PAPOLG: variants seen among roughly 807,000 people sequenced by gnomAD.
PAPOLG encodes poly(A) polymerase gamma.
Under a neutral mutation model 99.0 loss-of-function variants are expected in PAPOLG, and 40 were observed. The observed-to-expected ratio is 0.40, with a 90% CI of 0.31 to 0.53. The LOEUF is 0.53. Among genes scored for constraint, PAPOLG ranks in the 20% least tolerant of loss-of-function variants. PAPOLG has a pLI of 0.41. For synonymous variants in PAPOLG, 310 were observed against 299.3 expected (o/e 1.04, Z -0.37); for missense variants, 675 against 884.1 (o/e 0.76, Z 3.00).
At position 60,794,111 on chromosome 2, in the gene PAPOLG, A is replaced by G; in HGVS notation, c.1909A>G (p.Ile637Val). ...GQPHLNGMSN[I>V]TKTVTPKRSH... ...ACCGCATCTGAATGGAATGTCAAAT[A>G]TAACTAAGACTGTTACACCTAAGAG... The change falls in exon 19 of 22, where the codon ATA becomes GTA. Residue 637 changes from isoleucine (I) to valine (V), a missense_variant. Around this residue, in one of 3 missense-constraint regions of PAPOLG, gnomAD observed 413 missense variants for 460.5 expected, o/e 0.90. Transcript: ENST00000238714. 1 of 1,614,118 alleles carries G rather than the reference A, an allele frequency of 6.2e-7. No individual in the cohort carries two copies. Among genetic ancestry groups the G allele is most frequent in the Non-Finnish European group, 8.5e-7 (1 of 1,179,962 alleles).
intron 8 of PAPOLG, among the ~76,000 whole-genome samples, chr2:60,779,266 G>A (rs1273448333): frequency 6.6e-6 from 1 of 152,172 alleles, no homozygotes; most frequent in Non-Finnish European, 1.5e-5. Context: ...CTCTCCAAAT[G>A]TCTCCTTCCT....
chr2:60,786,866 A>G, intron 13 of PAPOLG, 81 bp from the exon 14 acceptor site: 1 of 1,502,000 alleles, frequency 6.7e-7, no homozygotes, highest in African/African-American at 1.4e-5. Context: ...CTTCGTAGTT[A>G]ATATGCTGTT....
chr2:60,794,826 A>G, intron 20 of PAPOLG, 51 bp downstream of exon 20: 1 of 1,549,730 alleles, frequency 6.5e-7, no homozygotes, highest in Non-Finnish European at 8.9e-7. Flanking sequence ...AGCGCCATGT[A>G]TCAGGAAAAG....
intron 7 of PAPOLG, among the ~76,000 whole-genome samples, chr2:60,772,925 C>A (rs943779564): frequency 1.3e-5 from 2 of 151,406 alleles, no homozygotes; most frequent in African/African-American, 4.9e-5. Flanking sequence ...TTTTTCTTTT[C>A]TTTTCTTTTC....
intron 3 of PAPOLG, among the ~76,000 whole-genome samples, chr2:60,765,341 G>A (rs1403262113): frequency 3.5e-5 from 5 of 144,912 alleles, no homozygotes; most frequent in African/African-American, 1.0e-4. Context: ...GCTTCCCATA[G>A]TGTTGAGATT....
In PAPOLG at chr2:60,791,768, A is replaced by G. The variant is rs764798495; in HGVS notation, c.1404A>G (p.Arg468=). 6 of 1,610,762 alleles carry G rather than the reference A, an allele frequency of 3.7e-6. No homozygotes were observed. The highest frequency in any genetic ancestry group is 1.3e-5 in the African/African-American group (1 of 74,448). The change falls in exon 16 of 22, where the codon AGA becomes AGG. Residue 468 remains arginine (R), a synonymous_variant. Transcript: ENST00000238714. ...ATATTAACATTGTTACAGTGTACAG[A>G]CAGGCAAACAATATAAATATGCTAA... is the stretch of plus-strand genomic sequence containing the variant. The part of the protein sequence containing the change: ...DIQSFTDTVY[R]QANNINMLKE...
At chr2:60,793,797 G>A (rs913713669) in intron 18 of PAPOLG, 82 bp downstream of exon 18, 7 of 1,510,162 alleles carry the variant, frequency 4.6e-6, no homozygotes, top group Admixed American at 4.1e-5. Flanking sequence ...TGTAGTCCTA[G>A]CTACTGGGGA....
At position 60,761,700 on chromosome 2, in the gene PAPOLG, A is replaced by T. The variant is rs779416774; in HGVS notation, c.180-41A>T. 2.0e-6 allele frequency: 3 copies of T among 1,535,646 alleles called. No individual in the cohort carries two copies. The African/African-American group carries it at 4.1e-5, about 21-fold the overall frequency. On this transcript the variant is annotated intron_variant, in intron 2 of 21. Transcript: ENST00000238714. ...GGGTTTTTAAAAATACTGTTTGTTC[A>T]TTTGTTTGTTTGTTTTAATCTGAAG... is the stretch of plus-strand genomic sequence containing the variant.
At chr2:60,760,351 T>C (rs1670487362) in intron 2 of PAPOLG, 56 bp downstream of exon 2, 2 of 1,481,144 alleles carry the variant, frequency 1.4e-6, no homozygotes, top group African/African-American at 1.4e-5. Context: ...TCATTAATTC[T>C]GCGAACATAT....
intron 7 of PAPOLG, 102 bp from the exon 8 acceptor site, chr2:60,774,932 T>A (rs1670971812): frequency 5.9e-6 from 9 of 1,523,474 alleles, no homozygotes; most frequent in Non-Finnish European, 7.9e-6. Flanking sequence ...TGTTTTATTA[T>A]CTTTCATATT....
At chr2:60,771,341 C>T (rs1670845489) in intron 6 of PAPOLG, 178 bp from the exon 7 acceptor site, 2 of 275,334 alleles carry the variant, frequency 7.3e-6, no homozygotes, top group African/African-American at 2.3e-5. Flanking sequence ...GTTTAATTAC[C>T]TTAACACAAC....
At chr2:60,787,131 A>AG (rs1414759812) in intron 14 of PAPOLG, 65 bp downstream of exon 14, 3 of 1,347,422 alleles carry the variant, frequency 2.2e-6, no homozygotes, top group Non-Finnish European at 3.0e-6. Context: ...GCATCATTTC[A>AG]GAGTAATTGT....
At chr2:60,788,936 G>GT (rs1438024380) in intron 15 of PAPOLG, among the ~76,000 whole-genome samples, 1 of 152,288 alleles carries the variant, frequency 6.6e-6, no homozygotes, top group African/African-American at 2.4e-5. Context: ...CAAGGCTGCA[G>GT]TGAGCCGAGA....
intron 21 of PAPOLG, 64 bp from the exon 22 acceptor site, chr2:60,796,998 A>G: frequency 1.3e-6 from 2 of 1,594,124 alleles, no homozygotes; most frequent in Non-Finnish European, 1.7e-6. Context: ...CTGACTTTCT[A>G]GCTGGGCCTT....
chr2:60,773,375 A>G (rs1670914289), intron 7 of PAPOLG, among the ~76,000 whole-genome samples: 1 of 152,210 alleles, frequency 6.6e-6, no homozygotes, highest in South Asian at 2.1e-4. Context: ...TTTGCCTCTT[A>G]AAGACGTTTC....
intron 15 of PAPOLG, among the ~76,000 whole-genome samples, chr2:60,790,907 A>T (rs936115208): frequency 2.0e-5 from 3 of 151,208 alleles, no homozygotes; most frequent in Non-Finnish European, 4.4e-5. Flanking sequence ...TGGCCAACAT[A>T]ATGAAACCCT....
chr2:60,764,384 G>T (rs1474029616), intron 3 of PAPOLG, among the ~76,000 whole-genome samples: 1 of 151,616 alleles, frequency 6.6e-6, no homozygotes, highest in Non-Finnish European at 1.5e-5. Context: ...CCCTTAATCT[G>T]CATGGATTTA....
At chr2:60,779,596 G>A (rs780267338) in intron 8 of PAPOLG, 41 bp from the exon 9 acceptor site, 3 of 1,569,826 alleles carry the variant, frequency 1.9e-6, no homozygotes, top group Middle Eastern at 1.7e-4. Context: ...GTCACAGATA[G>A]TAGGTCCTAA....
chr2:60,772,190 T>C (rs1396078908), intron 7 of PAPOLG, among the ~76,000 whole-genome samples: 1 of 152,144 alleles, frequency 6.6e-6, no homozygotes, highest in Non-Finnish European at 1.5e-5. Flanking sequence ...ACGCCTGTAA[T>C]CCCAGCCCTT....
Sources: gnomAD v4.1 joint callset for allele counts (sites outside exome capture counted in the v4.1 genomes callset) on GRCh38, gnomAD v4.1.1 for gene constraint, gnomAD v4.1.1 regional missense constraint, MANE v1.5 for transcripts, NCBI Gene and HGNC (gene_info 2026-07-23, HGNC 2026-07-21) for gene names.